The following KIF16B variants were observed in gnomAD, a reference collection of about 807,000 sequenced individuals.
KIF16B encodes kinesin family member 16B, also known as kinesin-like protein KIF16B.
In KIF16B, 98 loss-of-function variants were observed where a neutral mutation model predicts 156.3. The ratio of observed to expected loss-of-function variants is 0.63; its 90% CI spans 0.53 to 0.74. KIF16B has a LOEUF of 0.74. KIF16B is among the 30% of genes least tolerant of loss of function. KIF16B has a pLI of 0.00. For missense variants in KIF16B, 1,421 were observed against 1,606.5 expected (o/e 0.88, Z 1.97); for synonymous variants, 564 against 583.7 (o/e 0.97, Z 0.49).
In KIF16B at chr20:16,494,302, T is replaced by A. The variant is rs2068383460; in HGVS notation, c.1291A>T (p.Asn431Tyr). 1 of 1,600,324 alleles carries A rather than the reference T, an allele frequency of 6.2e-7. No individual in the cohort carries two copies. Among genetic ancestry groups the A allele is most frequent in the Non-Finnish European group, 8.5e-7 (1 of 1,170,602 alleles). The change falls in exon 12 of 26, where the codon AAT (asparagine) becomes TAT (tyrosine). Residue 431 changes from asparagine (N) to tyrosine (Y), a missense_variant. Physicochemically the swap from Asn to Tyr is moderately radical, Grantham distance 143. Transcript: ENST00000354981. ...EWTNKWNETQ[N>Y]ILKEQTLALR... ...TTTCTAGTCCTTACTTTCAAAATAT[T>A]TTGGGTTTCATTCCACTTATTTGTC...
chr20:16,319,588 T>C (rs1247391943), intron 24 of KIF16B, among the ~76,000 whole-genome samples: 9 of 152,346 alleles, frequency 5.9e-5, no homozygotes, highest in Admixed American at 5.9e-4. Flanking sequence ...AGCCTGGCAC[T>C]GAGGCCTGCT....
intron 24 of KIF16B, among the ~76,000 whole-genome samples, chr20:16,319,951 G>C (rs760225680): frequency 6.6e-6 from 1 of 152,096 alleles, no homozygotes; most frequent in Admixed American, 6.6e-5. Flanking sequence ...GAGCCTAACC[G>C]ACCAGGGCTA....
At chr20:16,561,587 A>C (rs2147364025) in intron 1 of KIF16B, among the ~76,000 whole-genome samples, 1 of 152,312 alleles carries the variant, frequency 6.6e-6, no homozygotes, top group Middle Eastern at 3.4e-3. Context: ...TATCTCCCCC[A>C]AGATATTTAT....
At position 16,367,072 on chromosome 20, in the gene KIF16B, C is replaced by T. The variant is rs2064683434; in HGVS notation, c.3498+3514G>A. 2.7e-6 allele frequency: 4 copies of T among 1,457,370 alleles called. No homozygotes were observed. The South Asian group carries it at 6.0e-5, about 22-fold the overall frequency. The allele number at this position is 1,457,370 out of a possible 1,614,324, so 90.3% of individuals were successfully genotyped here. On this transcript the variant is annotated intron_variant, in intron 22 of 25. Transcript: ENST00000354981. Reference sequence around the variant, plus strand: ...AGCTACACGGAGATATTCATATTGCCTTGACTGTTTTCACAATGCTTATTT... The same window carrying T: ...AGCTACACGGAGATATTCATATTGCTTTGACTGTTTTCACAATGCTTATTT...
chr20:16,534,131 T>G (rs967403560), intron 1 of KIF16B, among the ~76,000 whole-genome samples: 4 of 151,824 alleles, frequency 2.6e-5, no homozygotes, highest in Non-Finnish European at 5.9e-5. Flanking sequence ...GGTGGCAGGC[T>G]CCTATAATTC....
chr20:16,342,306 CTGGGGTGGGG>C (rs2064153604), intron 23 of KIF16B, among the ~76,000 whole-genome samples: 1 of 113,630 alleles, frequency 8.8e-6, no homozygotes, highest in Middle Eastern at 4.4e-3. Flanking sequence ...TTGGTAGTAA[CTGGGGTGGGG>C]TGGGGTGGGT....
At chr20:16,401,335 A>G (rs1015523790) in intron 17 of KIF16B, among the ~76,000 whole-genome samples, 16 of 152,138 alleles carry the variant, frequency 1.1e-4, no homozygotes, top group African/African-American at 3.1e-4. Context: ...AAGATCCTGA[A>G]CATGATTTTG....
chr20:16,562,215 T>G (rs1356536226), intron 1 of KIF16B, among the ~76,000 whole-genome samples: 1 of 152,202 alleles, frequency 6.6e-6, no homozygotes, highest in African/African-American at 2.4e-5. Flanking sequence ...CTATAAACTG[T>G]GTATCATTTA....
chr20:16,332,142 T>C (rs1164284539), intron 24 of KIF16B, among the ~76,000 whole-genome samples: 1 of 152,174 alleles, frequency 6.6e-6, no homozygotes, highest in Non-Finnish European at 1.5e-5. Context: ...CCCATTTTTA[T>C]ATTATTGTTG....
At chr20:16,366,872 A>G in intron 22 of KIF16B, 1 of 1,171,034 alleles carries the variant, frequency 8.5e-7, no homozygotes, top group South Asian at 2.9e-5. Context: ...ATCACCTCAC[A>G]AATAATGAAG....
intron 1 of KIF16B, among the ~76,000 whole-genome samples, chr20:16,561,925 T>C (rs1271228713): frequency 6.6e-6 from 1 of 152,128 alleles, no homozygotes; most frequent in Non-Finnish European, 1.5e-5. Context: ...TCAGGAGACA[T>C]GCTACATTTA....
At chr20:16,533,530 C>G (rs755281145) in intron 1 of KIF16B, among the ~76,000 whole-genome samples, 2 of 152,244 alleles carry the variant, frequency 1.3e-5, no homozygotes, top group Admixed American at 6.5e-5. Context: ...GGAAAACTCA[C>G]TAACCTTTGT....
chr20:16,567,157 G>A (rs1370231052), intron 1 of KIF16B, among the ~76,000 whole-genome samples: 5 of 152,196 alleles, frequency 3.3e-5, no homozygotes, highest in Non-Finnish European at 5.9e-5. Context: ...ATCTAGCTAT[G>A]TGACCTTGGG....
At chr20:16,380,942 C>A (rs138242790) in intron 18 of KIF16B, among the ~76,000 whole-genome samples, 74 of 152,288 alleles carry the variant, frequency 4.9e-4, no homozygotes, top group Non-Finnish European at 7.4e-4. Flanking sequence ...AAACGTCTAT[C>A]TTGGATGATG....
At chr20:16,279,125 C>T (rs2063107836) in intron 25 of KIF16B, among the ~76,000 whole-genome samples, 1 of 152,174 alleles carries the variant, frequency 6.6e-6, no homozygotes, top group African/African-American at 2.4e-5. Flanking sequence ...ACCCATTTCC[C>T]TTCCCAAACA....
chr20:16,311,570 G>A (rs17659054), intron 25 of KIF16B, among the ~76,000 whole-genome samples: 7,026 of 152,218 alleles, frequency 0.046, 203 homozygotes, highest in Non-Finnish European at 0.074. Flanking sequence ...CTAACACTAG[G>A]TCGTCATCAG....
chr20:16,414,313 G>A (rs942571599), intron 15 of KIF16B, among the ~76,000 whole-genome samples: 2 of 151,952 alleles, frequency 1.3e-5, no homozygotes, highest in Non-Finnish European at 2.9e-5. Flanking sequence ...GCTGGCTTGC[G>A]AATGAATGAC....
intron 25 of KIF16B, among the ~76,000 whole-genome samples, chr20:16,280,867 T>TGTGTGC (rs758721339): frequency 0.061 from 9,190 of 150,828 alleles, 312 homozygotes; most frequent in East Asian, 0.09. Flanking sequence ...TGTGTGTGTG[T>TGTGTGC]GCGCAGAAAA....
rs1034392272 is a variant in KIF16B at position 16,432,632 on chromosome 20, A to G, written c.1303-2650T>C. The stretch of plus-strand genomic sequence containing the variant: ...GGAACTCCTGGGAGGTTTCTGGGGC[A>G]GGGAGGTGGAGAGAGAGAAGTCCCT... On this transcript the variant is annotated intron_variant, in intron 12 of 25. Transcript: ENST00000354981. Among the ~76,000 whole-genome samples, 4 of 152,182 alleles carry G rather than the reference A, an allele frequency of 2.6e-5. No individual in the cohort carries two copies. The East Asian group carries it at 5.8e-4, about 22-fold the overall frequency.
Sources: gnomAD v4.1 joint callset for allele counts (sites outside exome capture counted in the v4.1 genomes callset) on GRCh38, gnomAD v4.1.1 for gene constraint, MANE v1.5 for transcripts, NCBI Gene and HGNC (gene_info 2026-07-23, HGNC 2026-07-21) for gene names.